The following SYT1 variants were observed in gnomAD, a reference collection of about 807,000 sequenced individuals.
SYT1 encodes the protein synaptotagmin-1.
A neutral mutation model predicts 44.8 loss-of-function variants in SYT1; 8 were observed. The ratio of observed to expected loss-of-function variants is 0.18; its 90% CI spans 0.10 to 0.32. The LOEUF (loss-of-function observed/expected upper bound fraction) is 0.32. SYT1 is among the 10% of genes least tolerant of loss of function. The pLI, the probability that SYT1 is intolerant of heterozygous loss-of-function variation, is 1.00. For synonymous variants in SYT1, 154 were observed against 188.8 expected (o/e 0.82, Z 1.51); for missense variants, 286 against 509.3 (o/e 0.56, Z 4.22).
chr12:79,239,693 C>T (rs962510987), intron 4 of SYT1, among the ~76,000 whole-genome samples: 7 of 152,170 alleles, frequency 4.6e-5, no homozygotes, highest in African/African-American at 1.7e-4. Context: ...ATTAGAAATC[C>T]AAGCCCAGCC....
At chr12:79,128,241 A>T (rs1868569428) in intron 3 of SYT1, among the ~76,000 whole-genome samples, 1 of 152,090 alleles carries the variant, frequency 6.6e-6, no homozygotes, top group African/African-American at 2.4e-5. Flanking sequence ...AAAAATGAAA[A>T]AATTAGTCAG....
intron 3 of SYT1, among the ~76,000 whole-genome samples, chr12:79,179,387 G>A (rs200875821): frequency 8.3e-4 from 3 of 3,616 alleles, no homozygotes; most frequent in South Asian, 0.011. Context: ...TAGATATATC[G>A]ATATAGATAT....
At chr12:79,004,939 GT>G (rs1313092409) in intron 2 of SYT1, among the ~76,000 whole-genome samples, 2 of 151,930 alleles carry the variant, frequency 1.3e-5, no homozygotes, top group African/African-American at 4.8e-5. Flanking sequence ...TCAAAGCAGA[GT>G]TTACACAAAA....
At chr12:79,032,906 C>G (rs1872912082) in intron 2 of SYT1, among the ~76,000 whole-genome samples, 1 of 151,230 alleles carries the variant, frequency 6.6e-6, no homozygotes, top group South Asian at 2.1e-4. Context: ...CTTGAAATCA[C>G]TTGCTATAGT....
chr12:79,045,884 T>C (rs375061436), intron 2 of SYT1: 2 of 152,358 alleles, frequency 1.3e-5, no homozygotes, highest in African/African-American at 4.8e-5. Context: ...TTTAATAGAA[T>C]GTCTTTGTCT....
intron 9 of SYT1, among the ~76,000 whole-genome samples, chr12:79,384,065 GT>G: frequency 6.6e-6 from 1 of 152,196 alleles, no homozygotes; most frequent in Non-Finnish European, 1.5e-5. Flanking sequence ...AGGTGATCAC[GT>G]TAATCTGGAA....
At chr12:79,308,764 G>A (rs1342389787) in intron 8 of SYT1, among the ~76,000 whole-genome samples, 1 of 152,128 alleles carries the variant, frequency 6.6e-6, no homozygotes, top group African/African-American at 2.4e-5. Flanking sequence ...AATACCAATC[G>A]ATATGGTCCC....
At chr12:78,983,307 A>C (rs1177422396) in intron 2 of SYT1, among the ~76,000 whole-genome samples, 3 of 152,128 alleles carry the variant, frequency 2.0e-5, no homozygotes, top group Non-Finnish European at 4.4e-5. Context: ...AAGTAATACC[A>C]GAGTGGCTCC....
chr12:79,138,550 C>A (rs1364444614), intron 3 of SYT1, among the ~76,000 whole-genome samples: 6 of 152,214 alleles, frequency 3.9e-5, no homozygotes, highest in Admixed American at 3.9e-4. Flanking sequence ...AGCTCTGCAA[C>A]TTTGGGTAAA....
intron 2 of SYT1, among the ~76,000 whole-genome samples, chr12:79,000,892 T>C (rs1870697485): frequency 1.3e-5 from 2 of 152,136 alleles, no homozygotes; most frequent in Admixed American, 1.3e-4. Flanking sequence ...CTCCAAGAAA[T>C]GCCAATTTAA....
chr12:79,292,236 A>G, intron 6 of SYT1, 106 bp downstream of exon 6: 1 of 1,321,512 alleles, frequency 7.6e-7, no homozygotes, highest in Non-Finnish European at 1.0e-6. Flanking sequence ...TGTGAGGGGA[A>G]AATGCAATTA....
chr12:79,118,025 C>A (rs966790846), intron 3 of SYT1, among the ~76,000 whole-genome samples: 2 of 151,818 alleles, frequency 1.3e-5, no homozygotes, highest in African/African-American at 4.8e-5. Flanking sequence ...AGCACAGAGC[C>A]GAGAAAGGAA....
intron 1 of SYT1, among the ~76,000 whole-genome samples, chr12:78,946,390 C>T (rs1405990019): frequency 1.3e-5 from 2 of 152,150 alleles, no homozygotes; most frequent in African/African-American, 2.4e-5. Flanking sequence ...CACAGTGGCT[C>T]ACACCTCTAA....
At chr12:79,358,871 A>G (rs1239725115) in intron 9 of SYT1, among the ~76,000 whole-genome samples, 1 of 152,152 alleles carries the variant, frequency 6.6e-6, no homozygotes, top group Non-Finnish European at 1.5e-5. Flanking sequence ...AAATGTTCGT[A>G]ACTGTAAACC....
chr12:79,163,295 T>C (rs977185459), intron 3 of SYT1, among the ~76,000 whole-genome samples: 1 of 152,142 alleles, frequency 6.6e-6, no homozygotes, highest in Non-Finnish European at 1.5e-5. Context: ...TGTTTGATCA[T>C]AGAGAACATT....
intron 1 of SYT1, among the ~76,000 whole-genome samples, chr12:78,951,138 C>A (rs896717574): frequency 1.3e-5 from 2 of 152,072 alleles, no homozygotes; most frequent in African/African-American, 2.4e-5. Flanking sequence ...TGGACTAAAT[C>A]TTTTTTCCTA....
chr12:78,925,773 C>T (rs918924837), intron 1 of SYT1, among the ~76,000 whole-genome samples: 3 of 151,936 alleles, frequency 2.0e-5, no homozygotes, highest in Non-Finnish European at 4.4e-5. Flanking sequence ...ATTACACACT[C>T]ACTAAGTACT....
At chr12:79,201,650 A>T (rs1565852225) in intron 3 of SYT1, among the ~76,000 whole-genome samples, 1 of 152,186 alleles carries the variant, frequency 6.6e-6, no homozygotes, top group Non-Finnish European at 1.5e-5. Context: ...TCTTCCAACG[A>T]TGCATCATAG....
chr12:79,109,568 G>C (rs1437200017), intron 3 of SYT1, among the ~76,000 whole-genome samples: 4 of 152,146 alleles, frequency 2.6e-5, no homozygotes, highest in Admixed American at 2.6e-4. Context: ...TGGCAATGTT[G>C]TGAAACCCAA....
Sources: gnomAD v4.1 joint callset for allele counts (sites outside exome capture counted in the v4.1 genomes callset) on GRCh38, gnomAD v4.1.1 for gene constraint, MANE v1.5 for transcripts, NCBI Gene and HGNC (gene_info 2026-07-23, HGNC 2026-07-21) for gene names.